Variants in LAMC1 observed in about 807,000 individuals in gnomAD.
The protein encoded by LAMC1 is laminin subunit gamma 1.
In LAMC1, 38 loss-of-function variants were observed where a neutral mutation model predicts 173.6. That is an observed-to-expected ratio of 0.22 (90% CI 0.17 to 0.29). The LOEUF (loss-of-function observed/expected upper bound fraction) is 0.29. Ranked by LOEUF, LAMC1 falls within the 10% of genes least tolerant of loss-of-function variation. LAMC1 has a pLI of 1.00. For synonymous variants in LAMC1, 746 were observed against 749.1 expected, an observed-to-expected ratio of 1.00 and a Z score of 0.07; for missense variants, 1,824 against 2,051.8, an observed-to-expected ratio of 0.89 and a Z score of 2.14.
intron 1 of LAMC1, among the ~76,000 whole-genome samples, chr1:183,085,687 C>A (rs973950395): frequency 6.6e-6 from 1 of 151,898 alleles, no homozygotes; most frequent in Non-Finnish European, 1.5e-5. Context: ...TTTCAAGGGG[C>A]GGGGAGAATG....
rs1446572865 is a variant in LAMC1, at chr1:183,143,970, T to C, written c.*1180T>C. 2 of 152,304 alleles carry C rather than the reference T, an allele frequency of 1.3e-5. No homozygotes were observed. Among genetic ancestry groups the C allele is most frequent in the Admixed American group, 6.5e-5 (1 of 15,284 alleles). 9.4% of individuals were successfully genotyped at this position (152,304 alleles called of 1,614,324 possible). A position where few individuals can be genotyped will look rare whatever the true frequency, so the allele number is the denominator to read the frequency against. On this transcript the variant is annotated 3_prime_UTR_variant, in exon 28 of 28. Coordinates refer to ENST00000258341, the MANE Select transcript of LAMC1 (RefSeq NM_002293.4). The stretch of plus-strand genomic sequence containing the variant: ...ACTTGCACTCAGTATTTCACACAGC[T>C]GCCAACGCTATCGAGTTCCTGCACT...
intron 1 of LAMC1, among the ~76,000 whole-genome samples, chr1:183,062,177 CT>C (rs1291590890): frequency 6.6e-6 from 1 of 152,148 alleles, no homozygotes; most frequent in Non-Finnish European, 1.5e-5. Flanking sequence ...CATCTTAAAA[CT>C]TATTTCTATA....
chr1:183,064,303 T>TG (rs1042656276), intron 1 of LAMC1, among the ~76,000 whole-genome samples: 1 of 152,230 alleles, frequency 6.6e-6, no homozygotes, highest in Non-Finnish European at 1.5e-5. Context: ...TTCGATGGTA[T>TG]GGGCCTACTA....
Position 183,103,392 on chromosome 1 carries a change from C to T in LAMC1, c.483C>T (p.Ala161=). 1.2e-6 allele frequency: 2 copies of T among 1,614,176 alleles called. No individual in the cohort carries two copies. The highest frequency in any genetic ancestry group is 1.7e-6 in the Non-Finnish European group (2 of 1,180,036). ...ACACCAGCCGCCCGGAGAGCTTTGCCATTTACAAGCGCACACGGGAAGACG... is the reference window on the plus strand; with the variant it reads ...ACACCAGCCGCCCGGAGAGCTTTGCTATTTACAAGCGCACACGGGAAGACG... ...KFHTSRPESF[A]IYKRTREDGP... The change falls in exon 2 of 28, where the codon GCC becomes GCT. Residue 161 remains alanine, a synonymous_variant. Coordinates refer to ENST00000258341, the MANE Select transcript of LAMC1 (RefSeq NM_002293.4).
intron 1 of LAMC1, among the ~76,000 whole-genome samples, chr1:183,087,543 A>G (rs914005995): frequency 4.6e-5 from 7 of 152,322 alleles, no homozygotes; most frequent in African/African-American, 1.7e-4. Flanking sequence ...TTTAGTAGAA[A>G]TCTAACCCCA....
chr1:183,108,602 C>CT (rs1451292657), intron 3 of LAMC1, among the ~76,000 whole-genome samples, 196 bp downstream of exon 3: 2 of 152,194 alleles, frequency 1.3e-5, no homozygotes, highest in Non-Finnish European at 2.9e-5. Context: ...ACTGTGAGAT[C>CT]TTCTTGTTGT....
chr1:183,064,003 T>TA (rs1281327146), intron 1 of LAMC1, among the ~76,000 whole-genome samples: 2 of 152,280 alleles, frequency 1.3e-5, no homozygotes, highest in African/African-American at 2.4e-5. Context: ...GCTTTAAGTA[T>TA]AAAAAAGACC....
rs561673622 is a variant in LAMC1, at chr1:183,107,346, G to A, written c.724-930G>A. On this transcript the variant is annotated intron_variant, in intron 2 of 27. Transcript: ENST00000258341. ...GTGGGAAATAGGGAGTTGGGTAGGG[G>A]TAGCAATGTTAGATAAGGTGGCCAG... is the stretch of plus-strand genomic sequence containing the variant. Among the ~76,000 whole-genome samples, 10 of 152,284 alleles carry A rather than the reference G, an allele frequency of 6.6e-5. No individual in the cohort carries two copies. In the South Asian group the frequency reaches 1.9e-3, roughly 28 times the overall value.
chr1:183,049,486 C>T lies in LAMC1; in HGVS notation c.418+25352C>T, dbSNP rs138953287. 1.3e-3 allele frequency among the ~76,000 whole-genome samples: 194 copies of T among 148,446 alleles called. 2 individuals carry two copies. The East Asian group carries it at 0.033, about 25-fold the overall frequency. On this transcript the variant is annotated intron_variant, in intron 1 of 27. Transcript: ENST00000258341. ...TTGTTTTTTTTTTTTGTTTTTGAGA[C>T]GGAGTTTAGCTCTGTCGCCCAGGCT...
At chr1:183,059,611 A>T (rs997346702) in intron 1 of LAMC1, among the ~76,000 whole-genome samples, 6 of 152,228 alleles carry the variant, frequency 3.9e-5, no homozygotes, top group African/African-American at 1.4e-4. Context: ...GAACTAGCCA[A>T]GGTAAGTGAC....
At chr1:183,108,854 A>G (rs1656062387) in intron 3 of LAMC1, among the ~76,000 whole-genome samples, 1 of 152,246 alleles carries the variant, frequency 6.6e-6, no homozygotes, top group African/African-American at 2.4e-5. Flanking sequence ...ATAAAGCAGC[A>G]GTAGAAAAGA....
At chr1:183,140,252 A>AAAAAAAAAAAG in intron 26 of LAMC1, 152 bp from the exon 27 acceptor site, 1 of 414,868 alleles carries the variant, frequency 2.4e-6, no homozygotes. Flanking sequence ...CACCAAAAAA[A>AAAAAAAAAAAG]AAAAAAAAAA....
At position 183,143,026 on chromosome 1, in the gene LAMC1, C is replaced by A; in HGVS notation, c.*236C>A. ...CTCTTCCATTCACGTTGCTACCTTA[C>A]CCACACTTTCCCTTCTGATTTGCGT... On this transcript the variant is annotated 3_prime_UTR_variant, in exon 28 of 28. Transcript: ENST00000258341. 2.2e-6 allele frequency: 1 copy of A among 454,202 alleles called. No homozygotes were observed. Among genetic ancestry groups the A allele is most frequent in the Non-Finnish European group, 4.0e-6 (1 of 252,422 alleles). 28.1% of individuals were successfully genotyped at this position (454,202 alleles called of 1,614,324 possible).
intron 1 of LAMC1, among the ~76,000 whole-genome samples, chr1:183,073,769 G>A (rs1210420952): frequency 6.6e-6 from 1 of 152,132 alleles, no homozygotes; most frequent in Non-Finnish European, 1.5e-5. Flanking sequence ...TTAAAAAATA[G>A]GGCTATAAAT....
chr1:183,045,575 A>G (rs1654246753), intron 1 of LAMC1, among the ~76,000 whole-genome samples: 1 of 152,050 alleles, frequency 6.6e-6, no homozygotes. Context: ...TAAGCTTTTG[A>G]TTATCCTGCT....
intron 2 of LAMC1, 117 bp downstream of exon 2, chr1:183,103,749 C>T (rs765020144): frequency 2.5e-6 from 2 of 798,108 alleles, no homozygotes; most frequent in Non-Finnish European, 3.8e-6. Flanking sequence ...GAGTAGAATA[C>T]TTGAGCAACA....
At chr1:183,033,414 G>A (rs1164701010) in intron 1 of LAMC1, among the ~76,000 whole-genome samples, 3 of 152,170 alleles carry the variant, frequency 2.0e-5, no homozygotes, top group African/African-American at 7.2e-5. Context: ...ATGCTTCATC[G>A]TTTGATGTGG....
intron 22 of LAMC1, 35 bp downstream of exon 22, chr1:183,133,585 G>C: frequency 6.4e-7 from 1 of 1,566,216 alleles, no homozygotes; most frequent in Non-Finnish European, 8.7e-7. Flanking sequence ...GCCCCACCCC[G>C]TCTCTCCCCC....
chr1:183,134,976 G>C lies in LAMC1; in HGVS notation c.4000-66G>C. 3 of 1,418,260 alleles carry C rather than the reference G, an allele frequency of 2.1e-6. 1 individual carries two copies. The East Asian group carries it at 6.8e-5, about 32-fold the overall frequency. 87.9% of individuals were successfully genotyped at this position (1,418,260 alleles called of 1,614,324 possible). A position where few individuals can be genotyped will look rare whatever the true frequency, so the allele number is the denominator to read the frequency against. On this transcript the variant is annotated intron_variant, in intron 23 of 27. Transcript: ENST00000258341. ...CAGGGTGGCACCTCTGGAGAGCCTT[G>C]TCTGTCCAGGAGACAGAAGGGATTT...
Sources: allele counts gnomAD v4.1 joint callset (sites outside exome capture counted in the v4.1 genomes callset), GRCh38; gene constraint gnomAD v4.1.1; transcripts MANE v1.5; gene names NCBI Gene and HGNC (gene_info 2026-07-23, HGNC 2026-07-21).